The following RBCK1 variants were observed in gnomAD, a reference collection of about 807,000 sequenced individuals.
The protein encoded by RBCK1 is RANBP2-type and C3HC4-type zinc finger containing 1, also known as ranBP-type and C3HC4-type zinc finger-containing protein 1.
In RBCK1, 44 loss-of-function variants were observed where a neutral mutation model predicts 71.1. The ratio of observed to expected loss-of-function variants is 0.62; its 90% CI spans 0.49 to 0.80. The LOEUF is 0.80. RBCK1 is among the 30% of genes least tolerant of loss of function. The pLI is 0.00. For missense variants in RBCK1, 569 were observed against 685.0 expected (o/e 0.83, Z 1.89); for synonymous variants, 306 against 279.7 (o/e 1.09, Z -0.94).
intron 2 of RBCK1, among the ~76,000 whole-genome samples, chr20:415,762 G>C (rs2015945979): frequency 6.6e-6 from 1 of 152,198 alleles, no homozygotes. Flanking sequence ...ACTCAGTTCT[G>C]CAGGTGGTGT....
At position 431,248 on chromosome 20, in the gene RBCK1, A is replaced by G. The variant is rs1393394580; in HGVS notation, c.*818A>G. Among the ~76,000 whole-genome samples the G allele has an allele frequency of 6.6e-6, 1 of 151,956 alleles. No homozygotes were observed. The highest frequency in any genetic ancestry group is 1.5e-5 in the Non-Finnish European group (1 of 67,992). ...AGGATGGGCTTAGGGGCGGGAGGGG[A>G]AGTCTTGCCACTCCTGCTCCCTTTT... On this transcript the variant is annotated 3_prime_UTR_variant, in exon 12 of 12. Transcript: ENST00000356286. The surrounding 1 kb of genome is among the most constrained non-coding windows in gnomAD (Gnocchi z 4.8).
chr20:430,998 AATG>A lies in RBCK1; in HGVS notation c.*569_*571del. The A allele has an allele frequency of 6.5e-6, 1 of 153,870 alleles. No individual in the cohort carries two copies. The allele number at this position is 153,870 out of a possible 1,614,324, so 9.5% of individuals were successfully genotyped here. ...AGTGTGATGTCCTTGAGAGGAAATG[AATG>A]TCCTGGCCTGGGACTCTACACACAG... On this transcript the variant is annotated 3_prime_UTR_variant, in exon 12 of 12. Transcript: ENST00000356286. This position sits in a 1 kb window ranked among gnomAD's most constrained non-coding sequence, Gnocchi z 5.6.
intron 6 of RBCK1, 160 bp downstream of exon 6, chr20:419,891 C>T (rs1344532536): frequency 1.3e-5 from 18 of 1,423,086 alleles, no homozygotes; most frequent in Non-Finnish European, 1.6e-5. Context: ...GACCCTGCAC[C>T]TGGCTGTGAC....
In RBCK1 at chr20:417,673, T is replaced by C. The variant is rs1485843650; in HGVS notation, c.261+54T>C. The C allele has an allele frequency of 1.2e-6, 2 of 1,604,200 alleles. No homozygotes were observed. Among genetic ancestry groups the C allele is most frequent in the Non-Finnish European group, 1.7e-6 (2 of 1,171,702 alleles). The stretch of plus-strand genomic sequence containing the variant: ...GGGTGAAGGCTCTCCCTTTCACTCC[T>C]GCTTCCTCTCTCTCCTCTGGCCCTC... On this transcript the variant is annotated intron_variant, in intron 3 of 11. Coordinates refer to ENST00000356286, the MANE Select transcript of RBCK1 (RefSeq NM_031229.4). This position sits in a 1 kb window ranked among gnomAD's most constrained non-coding sequence, Gnocchi z 4.7.
intron 11 of RBCK1, among the ~76,000 whole-genome samples, chr20:429,388 G>A (rs539058982): frequency 1.8e-4 from 28 of 152,154 alleles, no homozygotes; most frequent in Non-Finnish European, 3.7e-4. Flanking sequence ...CACCACGCCC[G>A]GCTAGTTTTG....
chr20:428,752 T>G lies in RBCK1; in HGVS notation c.1308+163T>G, dbSNP rs889604768. The stretch of plus-strand genomic sequence containing the variant: ...AGGTGGGACTTAGGCCGAATGGTCA[T>G]GTCAGGAAGAGCGTCTGGGTGGAGG... On this transcript the variant is annotated intron_variant, in intron 10 of 11. Transcript: ENST00000356286. The surrounding 1 kb of genome is among the most constrained non-coding windows in gnomAD (Gnocchi z 5.7). 9.3e-6 allele frequency: 13 copies of G among 1,404,078 alleles called. No individual in the cohort carries two copies. Among genetic ancestry groups the G allele is most frequent in the Non-Finnish European group, 1.2e-5 (13 of 1,062,782 alleles). The allele number at this position is 1,404,078 out of a possible 1,614,324, so 87.0% of individuals were successfully genotyped here.
rs771323030 is a variant in RBCK1, at chr20:408,720, C to T, written c.-38C>T. 32 of 1,611,104 alleles carry T rather than the reference C, an allele frequency of 2.0e-5. No individual in the cohort carries two copies. The highest frequency in any genetic ancestry group is 3.3e-4 in the Middle Eastern group (2 of 6,072). ...CCCGGAGGTAGCATTTCCCAGGAGG[C>T]ACGGTCCCCCCCAGGGGGATGGGCA... On this transcript the variant is annotated 5_prime_UTR_variant, in exon 1 of 12. Coordinates refer to ENST00000356286, the MANE Select transcript of RBCK1 (RefSeq NM_031229.4).
intron 8 of RBCK1, 107 bp from the exon 9 acceptor site, chr20:427,206 T>C: frequency 2.9e-6 from 3 of 1,032,752 alleles, no homozygotes; most frequent in Non-Finnish European, 4.2e-6. Context: ...AGCCTGGGGC[T>C]GGGTTGGAGT....
chr20:424,272 T>C (rs3787563), intron 8 of RBCK1, among the ~76,000 whole-genome samples: 88,181 of 152,056 alleles, frequency 0.58, 26,233 homozygotes, highest in Middle Eastern at 0.7. Flanking sequence ...TCCATTTCCT[T>C]ATCTGAAAAG....
chr20:429,414 C>T (rs1222187459), intron 11 of RBCK1, among the ~76,000 whole-genome samples: 3 of 151,970 alleles, frequency 2.0e-5, no homozygotes, highest in African/African-American at 4.8e-5. Flanking sequence ...TTAGGAGAGA[C>T]GGGGTTTCTC....
rs56003619 is a variant in RBCK1 at position 428,724 on chromosome 20, C to T, written c.1308+135C>T. On this transcript the variant is annotated intron_variant, in intron 10 of 11. Coordinates refer to ENST00000356286, the MANE Select transcript of RBCK1 (RefSeq NM_031229.4). This position sits in a 1 kb window ranked among gnomAD's most constrained non-coding sequence, Gnocchi z 5.7. ...CTCCCTTCTGGCTGTCACTCCCATC[C>T]GGAGGTGGGACTTAGGCCGAATGGT... 1.9e-3 allele frequency: 2,614 copies of T among 1,358,082 alleles called. 46 individuals carry two copies. The African/African-American group carries it at 0.031, about 16-fold the overall frequency. 84.1% of individuals were successfully genotyped at this position (1,358,082 alleles called of 1,614,324 possible).
Position 408,790 on chromosome 20 carries a change from G to A in RBCK1, c.22+11G>A, listed in dbSNP as rs111951407. ...AGAAGACCAAGAAAGGTGGGCACAG[G>A]CTGGAGGTGGCTGGGGAACTTCCGG... is the stretch of plus-strand genomic sequence containing the variant. On this transcript the variant is annotated intron_variant, in intron 1 of 11. Transcript: ENST00000356286. 3.2e-5 allele frequency: 51 copies of A among 1,608,348 alleles called. No homozygotes were observed. The African/African-American group carries it at 3.9e-4, about 12-fold the overall frequency.
At chr20:418,676 CTTTCT>C (rs1477672420) in intron 4 of RBCK1, among the ~76,000 whole-genome samples, 5 of 152,328 alleles carry the variant, frequency 3.3e-5, no homozygotes, top group East Asian at 1.9e-4. Flanking sequence ...CCCACATTTG[CTTTCT>C]TTTATCATTC....
In RBCK1 at chr20:428,034, C is replaced by T. The variant is rs982121292; in HGVS notation, c.1210-457C>T. Among the ~76,000 whole-genome samples, 4 of 152,170 alleles carry T rather than the reference C, an allele frequency of 2.6e-5. No homozygotes were observed. The highest frequency in any genetic ancestry group is 5.9e-5 in the Non-Finnish European group (4 of 68,036). On this transcript the variant is annotated intron_variant, in intron 9 of 11. Coordinates refer to ENST00000356286, the MANE Select transcript of RBCK1 (RefSeq NM_031229.4). This position sits in a 1 kb window ranked among gnomAD's most constrained non-coding sequence, Gnocchi z 5.7. ...CTGATCCTTCCCCCAGGCCTGTCCCCGCCGCTTCATCTCAAAAGTTGAAGG... is the reference window on the plus strand; with the variant it reads ...CTGATCCTTCCCCCAGGCCTGTCCCTGCCGCTTCATCTCAAAAGTTGAAGG...
intron 2 of RBCK1, among the ~76,000 whole-genome samples, chr20:415,870 AAG>A (rs2015953852): frequency 6.6e-6 from 1 of 152,188 alleles, no homozygotes; most frequent in Admixed American, 6.5e-5. Context: ...GAGAGGGAGC[AAG>A]AGAGAGAGTT....
At chr20:420,164 C>G in intron 6 of RBCK1, 3 of 985,218 alleles carry the variant, frequency 3.0e-6, no homozygotes, top group Non-Finnish European at 3.6e-6. Flanking sequence ...CCTGGACTCT[C>G]CTACTCCTGA....
chr20:410,356 C>A, intron 2 of RBCK1: 1 of 763,906 alleles, frequency 1.3e-6, no homozygotes, highest in African/African-American at 1.7e-5. Flanking sequence ...GTTCTGCTCC[C>A]GACAGTCCTC....
rs1248980444 is a variant in RBCK1, at chr20:422,070, A to G, written c.918-57A>G. ...TCAGGCCTTGCCATGTGAGGGATGG[A>G]GTCCCCAGTGAAGGGGGTTCCTATG... On this transcript the variant is annotated intron_variant, in intron 7 of 11. Transcript: ENST00000356286. The surrounding 1 kb of genome is among the most constrained non-coding windows in gnomAD (Gnocchi z 5.0). The G allele has an allele frequency of 2.1e-6, 3 of 1,402,444 alleles. No individual in the cohort carries two copies. The highest frequency in any genetic ancestry group is 1.2e-5 in the South Asian group (1 of 85,946). The allele number at this position is 1,402,444 out of a possible 1,614,324, so 86.9% of individuals were successfully genotyped here.
In RBCK1 at chr20:430,394, G is replaced by A; in HGVS notation, c.1497G>A (p.Gly499=). ...TSGGCRCRVN[G]IPCHPSCQNC... ...GGGGCTGCCGCTGCAGGGTAAATGGGATTCCTTGCCACCCAAGCTGTCAGA... is the reference window on the plus strand; with the variant it reads ...GGGGCTGCCGCTGCAGGGTAAATGGAATTCCTTGCCACCCAAGCTGTCAGA... Residue 499 remains glycine, a synonymous_variant, in exon 12 of 12, where the codon GGG becomes GGA. Coordinates refer to ENST00000356286, the MANE Select transcript of RBCK1 (RefSeq NM_031229.4). This position sits in a 1 kb window ranked among gnomAD's most constrained non-coding sequence, Gnocchi z 5.6. 1 of 1,613,770 alleles carries A rather than the reference G, an allele frequency of 6.2e-7. No individual in the cohort carries two copies. The highest frequency in any genetic ancestry group is 8.5e-7 in the Non-Finnish European group (1 of 1,179,674).
Sources: allele counts gnomAD v4.1 joint callset (sites outside exome capture counted in the v4.1 genomes callset), GRCh38; gene constraint gnomAD v4.1.1; non-coding constraint Gnocchi (gnomAD v3.1); transcripts MANE v1.5; gene names NCBI Gene and HGNC (gene_info 2026-07-23, HGNC 2026-07-21).